The following TSHZ3 variants were observed in gnomAD, a reference collection of about 807,000 sequenced individuals.
TSHZ3 encodes the protein teashirt homolog 3.
TSHZ3 carries 10 observed loss-of-function variants against 64.5 expected under a neutral mutation model. The ratio of observed to expected loss-of-function variants is 0.16; its 90% CI spans 0.10 to 0.26. TSHZ3 has a LOEUF of 0.26. TSHZ3 is among the 10% of genes least tolerant of loss of function. The pLI is 1.00. For missense variants in TSHZ3, 1,242 were observed against 1,421.7 expected, an observed-to-expected ratio of 0.87 and a Z score of 2.03; for synonymous variants, 608 against 593.1, an observed-to-expected ratio of 1.03 and a Z score of -0.36.
At chr19:31,179,714 A>G (rs1246485497) in intron 5 of TSHZ3, among the ~76,000 whole-genome samples, 2 of 143,430 alleles carry the variant, frequency 1.4e-5, no homozygotes, top group Non-Finnish European at 3.1e-5. Context: ...TGGTGGTGGT[A>G]ACAATGATGA....
chr19:31,249,831 C>T (rs1975812009), intron 1 of TSHZ3, among the ~76,000 whole-genome samples: 1 of 152,196 alleles, frequency 6.6e-6, no homozygotes, highest in Non-Finnish European at 1.5e-5. Flanking sequence ...CAGCACTGTC[C>T]AGTTCCTCCT....
chr19:31,171,063 T>C (rs773028555), intron 5 of TSHZ3, among the ~76,000 whole-genome samples: 3 of 152,130 alleles, frequency 2.0e-5, no homozygotes, highest in Admixed American at 1.3e-4. Context: ...AGATCAAAAT[T>C]AGAAAATTTA....
At chr19:31,315,305 T>C (rs979114434) in intron 1 of TSHZ3, among the ~76,000 whole-genome samples, 1 of 152,230 alleles carries the variant, frequency 6.6e-6, no homozygotes, top group Non-Finnish European at 1.5e-5. Context: ...TGACCTCTTA[T>C]AGAGGAGATT....
At chr19:31,225,955 T>G (rs1975454601) in intron 4 of TSHZ3, among the ~76,000 whole-genome samples, 1 of 151,974 alleles carries the variant, frequency 6.6e-6, no homozygotes, top group South Asian at 2.1e-4. Context: ...GGTGAAACCC[T>G]GCCTTTACTA....
chr19:31,200,814 G>C (rs1437368465), intron 5 of TSHZ3, among the ~76,000 whole-genome samples: 4 of 152,104 alleles, frequency 2.6e-5, no homozygotes, highest in African/African-American at 9.7e-5. Context: ...ATGGGAGGCT[G>C]TGCATGTGTG....
intron 4 of TSHZ3, among the ~76,000 whole-genome samples, chr19:31,215,338 G>A (rs1975312187): frequency 6.6e-6 from 1 of 152,070 alleles, no homozygotes. Flanking sequence ...TCTGTCCACA[G>A]AGCACATAAA....
chr19:31,188,794 G>A (rs991969081), intron 5 of TSHZ3, among the ~76,000 whole-genome samples: 1 of 151,802 alleles, frequency 6.6e-6, no homozygotes, highest in Non-Finnish European at 1.5e-5. Flanking sequence ...TTAGCATTGA[G>A]CTAGGTTCAT....
chr19:31,324,472 C>T (rs1172182588), intron 1 of TSHZ3, among the ~76,000 whole-genome samples: 2 of 152,242 alleles, frequency 1.3e-5, no homozygotes, highest in Non-Finnish European at 2.9e-5. Flanking sequence ...AATTCAGACA[C>T]AAGTTTCCAA....
At chr19:31,156,650 C>T (rs946519566) in intron 5 of TSHZ3, among the ~76,000 whole-genome samples, 1 of 152,164 alleles carries the variant, frequency 6.6e-6, no homozygotes, top group African/African-American at 2.4e-5. Context: ...AAATTGATTT[C>T]CTGCATTGCA....
chr19:31,273,410 C>G (rs560606537), downstream of TSHZ3, among the ~76,000 whole-genome samples: 6 of 152,244 alleles, frequency 3.9e-5, no homozygotes, highest in Admixed American at 3.9e-4. Context: ...AATTGGAAAG[C>G]CCAGAAGATG....
chr19:31,277,002 C>G lies in TSHZ3; in HGVS notation c.2791G>C (p.Glu931Gln), dbSNP rs373522602. The G allele has an allele frequency of 2.5e-6, 4 of 1,612,818 alleles. No homozygotes were observed. In the East Asian group the frequency reaches 8.9e-5, roughly 36 times the overall value. The change falls in exon 2 of 2, where the codon GAG (glutamate) becomes CAG (glutamine). Residue 931 changes from glutamate to glutamine, a missense_variant. Around this residue, in one of 4 missense-constraint regions of TSHZ3, gnomAD observed 550 missense variants for 545.1 expected, o/e 1.01. Coordinates refer to ENST00000240587, the MANE Select transcript of TSHZ3 (RefSeq NM_020856.4). The surrounding 1 kb of genome is among the most constrained non-coding windows in gnomAD (Gnocchi z 4.5). ...GTGAACCTGGAGATATGCATCCGCTCCTGGGGGCTCAGGTCTGACATGATG... is the reference window on the plus strand; with the variant it reads ...GTGAACCTGGAGATATGCATCCGCTGCTGGGGGCTCAGGTCTGACATGATG... The part of the protein sequence containing the change: ...KYIMSDLSPQ[E>Q]RMHISRFTGL...
chr19:31,328,544 A>G (rs1301296915), intron 1 of TSHZ3, among the ~76,000 whole-genome samples: 1 of 152,236 alleles, frequency 6.6e-6, no homozygotes, highest in Non-Finnish European at 1.5e-5. Flanking sequence ...GCTTGTTTGC[A>G]GCATTAGCTG....
At chr19:31,303,868 T>C (rs1027600797) in intron 1 of TSHZ3, among the ~76,000 whole-genome samples, 6 of 152,150 alleles carry the variant, frequency 3.9e-5, no homozygotes, top group Non-Finnish European at 8.8e-5. Context: ...TAGCTACCAT[T>C]TGGTGACATG....
chr19:31,270,153 T>G (rs531661451), downstream of TSHZ3, among the ~76,000 whole-genome samples: 3 of 152,350 alleles, frequency 2.0e-5, no homozygotes, highest in East Asian at 5.8e-4. Context: ...TCAAGGTTAA[T>G]TATGTGTGTC....
At chr19:31,171,947 C>T (rs1415166213) in intron 5 of TSHZ3, among the ~76,000 whole-genome samples, 1 of 152,192 alleles carries the variant, frequency 6.6e-6, no homozygotes, top group Non-Finnish European at 1.5e-5. Context: ...ATGCAAGCCT[C>T]TCCTCAGTGA....
intron 1 of TSHZ3, among the ~76,000 whole-genome samples, chr19:31,252,281 C>T (rs1049619896): frequency 1.3e-5 from 2 of 152,110 alleles, no homozygotes; most frequent in African/African-American, 4.8e-5. Flanking sequence ...TGGCTGCATC[C>T]CTGTAATCTC....
At chr19:31,316,594 G>A (rs555221078) in intron 1 of TSHZ3, among the ~76,000 whole-genome samples, 3 of 152,286 alleles carry the variant, frequency 2.0e-5, no homozygotes, top group East Asian at 1.9e-4. Context: ...TGCTATTTGC[G>A]GCAGCCGCTG....
chr19:31,296,312 C>T (rs934506454), intron 1 of TSHZ3, among the ~76,000 whole-genome samples: 1 of 147,024 alleles, frequency 6.8e-6, no homozygotes, highest in Non-Finnish European at 1.5e-5. Context: ...TCATGAAGTG[C>T]TGGAAGTGCT....
At chr19:31,169,190 T>C (rs1207256840) in intron 5 of TSHZ3, among the ~76,000 whole-genome samples, 2 of 151,570 alleles carry the variant, frequency 1.3e-5, no homozygotes, top group African/African-American at 4.8e-5. Context: ...CCAGTGGGAA[T>C]GTAAAATAGT....
Sources: allele counts gnomAD v4.1 joint callset (sites outside exome capture counted in the v4.1 genomes callset), GRCh38; gene constraint gnomAD v4.1.1; regional missense constraint gnomAD v4.1.1; non-coding constraint Gnocchi (gnomAD v3.1); transcripts MANE v1.5; gene names NCBI Gene and HGNC (gene_info 2026-07-23, HGNC 2026-07-21).